Variants in RBM28 observed in about 807,000 individuals in gnomAD.
The protein encoded by RBM28 is RNA binding motif protein 28.
Under a neutral mutation model 98.3 loss-of-function variants are expected in RBM28, and 78 were observed. The observed-to-expected ratio is 0.79, with a 90% confidence interval of 0.66 to 0.96. The LOEUF (loss-of-function observed/expected upper bound fraction) is 0.96, where lower values mean the gene tolerates loss of function less well. RBM28 is among the 40% of genes least tolerant of loss of function. The pLI is 0.00. For missense variants in RBM28, 838 were observed against 913.0 expected (o/e 0.92, Z 1.06); for synonymous variants, 306 against 330.9 (o/e 0.92, Z 0.82).
intron 14 of RBM28, among the ~76,000 whole-genome samples, chr7:128,318,406 T>C (rs985767594): frequency 1.3e-5 from 2 of 151,002 alleles, no homozygotes; most frequent in South Asian, 2.1e-4. Flanking sequence ...CCCGGGGAGG[T>C]TGAAGTTACA....
At chr7:128,311,912 A>T (rs1795992828) in intron 18 of RBM28, among the ~76,000 whole-genome samples, 1 of 152,250 alleles carries the variant, frequency 6.6e-6, no homozygotes, top group African/African-American at 2.4e-5. Flanking sequence ...TGTAACCCAT[A>T]ATGAAATAAT....
chr7:128,336,424 G>A (rs1716285046), intron 6 of RBM28, among the ~76,000 whole-genome samples: 1 of 152,158 alleles, frequency 6.6e-6, no homozygotes, highest in Admixed American at 6.5e-5. Context: ...CTGAGACCCT[G>A]GTGGCTTACC....
chr7:128,338,710 G>A lies in RBM28; in HGVS notation c.448+16C>T. 6.5e-7 allele frequency: 1 copy of A among 1,534,956 alleles called. No individual in the cohort carries two copies. The highest frequency in any genetic ancestry group is 9.0e-7 in the Non-Finnish European group (1 of 1,107,966). The stretch of plus-strand genomic sequence containing the variant: ...TTAACTAACGTAATCCACACCAAGT[G>A]AAGGTTTATTAGTACCTGGTTTCCT... On this transcript the variant is annotated intron_variant, in intron 4 of 18. Transcript: ENST00000223073.
At chr7:128,317,259 A>G (rs181012554) in intron 16 of RBM28, among the ~76,000 whole-genome samples, 132 of 152,334 alleles carry the variant, frequency 8.7e-4, no homozygotes, top group African/African-American at 3.1e-3. Context: ...ATACCACACC[A>G]GATTAAAAAC....
chr7:128,335,112 A>G (rs1316515321), intron 8 of RBM28, among the ~76,000 whole-genome samples: 1 of 152,252 alleles, frequency 6.6e-6, no homozygotes, highest in African/African-American at 2.4e-5. Context: ...CAAACTGACT[A>G]AACAGTTCTT....
At chr7:128,337,381 C>T (rs922795805) in intron 5 of RBM28, among the ~76,000 whole-genome samples, 179 bp from the exon 6 acceptor site, 1 of 152,138 alleles carries the variant, frequency 6.6e-6, no homozygotes, top group Non-Finnish European at 1.5e-5. Flanking sequence ...TAACCCTTAA[C>T]CTTTTTATCA....
At position 128,310,941 on chromosome 7, in the gene RBM28, A is replaced by G; in HGVS notation, c.2146-10T>C. The G allele has an allele frequency of 6.2e-7, 1 of 1,609,258 alleles. No individual in the cohort carries two copies. Among genetic ancestry groups the G allele is most frequent in the South Asian group, 1.1e-5 (1 of 90,966 alleles). ...CTTTTTTCCTAGATACCTACAAATG[A>G]AAGGATTAGAAACATAATATAATCA... On this transcript the variant is annotated splice_polypyrimidine_tract_variant and intron_variant, in intron 18 of 18. Transcript: ENST00000223073.
intron 10 of RBM28, among the ~76,000 whole-genome samples, chr7:128,329,069 C>G (rs1796414883): frequency 6.6e-6 from 1 of 151,924 alleles, no homozygotes; most frequent in Admixed American, 6.6e-5. Context: ...TCCTGAGTAG[C>G]TGGGATTTCA....
At chr7:128,317,068 G>C (rs1201297772) in intron 16 of RBM28, among the ~76,000 whole-genome samples, 1 of 152,206 alleles carries the variant, frequency 6.6e-6, no homozygotes, top group African/African-American at 2.4e-5. Flanking sequence ...CAGTATGCTA[G>C]ACGATGGACA....
In RBM28 at chr7:128,318,084, T is replaced by C. The variant is rs541203279; in HGVS notation, c.1586A>G (p.Lys529Arg). ...ACCCTTCATGTTCCCATGAACTCCT[T>C]TGAGGTCTCGCATCACTCTACACTA... is the stretch of plus-strand genomic sequence containing the variant. ...IKECRVMRDL[K>R]GVHGNMKGQS... Residue 529 changes from lysine (K) to arginine (R), a missense_variant, in exon 15 of 19, where the codon AAA (lysine) becomes AGA (arginine). Coordinates refer to ENST00000223073, the MANE Select transcript of RBM28 (RefSeq NM_018077.3). 6.8e-6 allele frequency: 11 copies of C among 1,613,382 alleles called. No homozygotes were observed. In the Admixed American group the frequency reaches 8.3e-5, roughly 12 times the overall value.
intron 11 of RBM28, 120 bp downstream of exon 11, chr7:128,325,698 T>C: frequency 1.4e-6 from 1 of 733,400 alleles, no homozygotes; most frequent in Non-Finnish European, 2.4e-6. Flanking sequence ...GCTAAATAAG[T>C]GTTAGTTTTA....
At chr7:128,322,843 G>C (rs954053686) in intron 13 of RBM28, among the ~76,000 whole-genome samples, 1 of 152,040 alleles carries the variant, frequency 6.6e-6, no homozygotes, top group African/African-American at 2.4e-5. Context: ...AAGACGCACT[G>C]CCTCCTGCTG....
chr7:128,322,724 T>G (rs1334035293), intron 13 of RBM28, among the ~76,000 whole-genome samples: 3 of 152,158 alleles, frequency 2.0e-5, no homozygotes, highest in African/African-American at 4.8e-5. Context: ...GCTTTAAAAT[T>G]TTCTGTAATT....
In RBM28 at chr7:128,325,921, C is replaced by A. The variant is rs755630744; in HGVS notation, c.1130-30G>T. The A allele has an allele frequency of 2.6e-5, 41 of 1,552,276 alleles. No individual in the cohort carries two copies. The Admixed American group carries it at 6.5e-4, about 25-fold the overall frequency. On this transcript the variant is annotated intron_variant, in intron 10 of 18. Transcript: ENST00000223073. The stretch of plus-strand genomic sequence containing the variant: ...ACAAGGAGACACAATTCAGTGAGAT[C>A]CCAAACTCCCACAGATAAACCAAAG...
intron 17 of RBM28, 137 bp from the exon 18 acceptor site, chr7:128,313,411 G>A: frequency 1.2e-6 from 1 of 858,248 alleles, no homozygotes; most frequent in Non-Finnish European, 1.9e-6. Context: ...CAGACCCTCT[G>A]AAAGCTCAAC....
intron 9 of RBM28, 88 bp from the exon 10 acceptor site, chr7:128,331,016 C>A: frequency 1.1e-6 from 1 of 886,212 alleles, no homozygotes; most frequent in East Asian, 2.4e-5. Context: ...AGTTAGATAT[C>A]AACTCTCCCT....
intron 14 of RBM28, among the ~76,000 whole-genome samples, chr7:128,319,184 C>T (rs1796169243): frequency 6.6e-6 from 1 of 152,144 alleles, no homozygotes; most frequent in Non-Finnish European, 1.5e-5. Flanking sequence ...AGTTTATGTC[C>T]AGTGTCCACT....
chr7:128,330,284 G>T (rs1484910180), intron 10 of RBM28, among the ~76,000 whole-genome samples: 1 of 150,630 alleles, frequency 6.6e-6, no homozygotes, highest in Non-Finnish European at 1.5e-5. Context: ...ATAAGCAAGG[G>T]ATTAAAAAGC....
intron 13 of RBM28, among the ~76,000 whole-genome samples, chr7:128,323,058 A>T (rs1180643079): frequency 6.6e-6 from 1 of 152,120 alleles, no homozygotes; most frequent in Non-Finnish European, 1.5e-5. Flanking sequence ...CATAAAATGG[A>T]GTTTTTCTAA....
Sources: allele counts gnomAD v4.1 joint callset (sites outside exome capture counted in the v4.1 genomes callset), GRCh38; gene constraint gnomAD v4.1.1; transcripts MANE v1.5; gene names NCBI Gene and HGNC (gene_info 2026-07-23, HGNC 2026-07-21).